Variants in VPS37A observed in about 807,000 individuals in gnomAD.
VPS37A encodes vacuolar protein sorting-associated protein 37A.
A neutral mutation model predicts 49.8 loss-of-function variants in VPS37A; 30 were observed. That is an observed-to-expected ratio of 0.60 (90% CI 0.45 to 0.82). The LOEUF (loss-of-function observed/expected upper bound fraction) is 0.82. Among genes scored for constraint, VPS37A ranks in the 40% least tolerant of loss-of-function variants. The pLI is 0.00. For synonymous variants in VPS37A, 195 were observed against 160.6 expected (o/e 1.21, Z -1.62); for missense variants, 593 against 464.4 (o/e 1.28, Z -2.55).
chr8:17,249,397 A>G (rs1307412618), intron 1 of VPS37A, among the ~76,000 whole-genome samples: 2 of 152,224 alleles, frequency 1.3e-5, no homozygotes, highest in Non-Finnish European at 2.9e-5. Context: ...GTATGATTGG[A>G]CATGATTACA....
chr8:17,247,359 T>G lies in VPS37A; in HGVS notation c.115T>G (p.Ser39Ala). Residue 39 changes from serine to alanine, a missense_variant, in exon 1 of 12, where the codon TCA becomes GCA. Physicochemically the swap from Ser to Ala is moderately conservative, Grantham distance 99. Coordinates refer to ENST00000324849, the MANE Select transcript of VPS37A (RefSeq NM_152415.3). The stretch of plus-strand genomic sequence containing the variant: ...GCGCCTGATCGAGTCCCTCCGGAAC[T>G]CACACTCCAGGTGACTGGTCGCTGC... The part of the protein sequence containing the change: ...KQRLIESLRN[S>A]HSSIAEIQKD... The G allele has an allele frequency of 7.7e-7, 1 of 1,295,316 alleles. No individual in the cohort carries two copies. The highest frequency in any genetic ancestry group is 1.2e-5 in the South Asian group (1 of 80,714). The allele number at this position is 1,295,316 out of a possible 1,614,324, so 80.2% of individuals were successfully genotyped here. A position where few individuals can be genotyped will look rare whatever the true frequency, so the allele number is the denominator to read the frequency against.
At chr8:17,261,636 G>A (rs1204819676) in intron 1 of VPS37A, among the ~76,000 whole-genome samples, 2 of 152,100 alleles carry the variant, frequency 1.3e-5, no homozygotes, top group African/African-American at 4.8e-5. Context: ...ACTCTTTACT[G>A]TAAGGTTTCT....
intron 4 of VPS37A, among the ~76,000 whole-genome samples, chr8:17,274,438 A>G (rs1468572147): frequency 1.3e-5 from 2 of 151,854 alleles, no homozygotes; most frequent in Admixed American, 6.6e-5. Context: ...AAACTCAAAA[A>G]TGGCCTGTCT....
At chr8:17,321,518 A>G in the VPS37A span, among the ~76,000 whole-genome samples, 11 of 152,236 alleles carry the variant, frequency 7.2e-5, no homozygotes, top group Admixed American at 7.2e-4. Context: ...GCAGTGTGAA[A>G]AGCAAAGAGG....
At chr8:17,275,051 G>C (rs1272417424) in intron 5 of VPS37A, 93 bp downstream of exon 5, 3 of 1,163,214 alleles carry the variant, frequency 2.6e-6, no homozygotes, top group Non-Finnish European at 1.2e-6. Context: ...CAGATAATAA[G>C]TTAGACACAA....
intron 10 of VPS37A, among the ~76,000 whole-genome samples, chr8:17,286,060 G>A (rs1427076537): frequency 6.6e-6 from 1 of 152,136 alleles, no homozygotes; most frequent in Non-Finnish European, 1.5e-5. Flanking sequence ...ATTATGAGAA[G>A]GGAGCATGAG....
intron 6 of VPS37A, among the ~76,000 whole-genome samples, chr8:17,278,133 G>A (rs73208572): frequency 0.079 from 12,009 of 152,024 alleles, 650 homozygotes; most frequent in South Asian, 0.2. Context: ...CTGGTGGCTA[G>A]AAGTAGACAA....
chr8:17,313,122 C>G, the VPS37A span, among the ~76,000 whole-genome samples: 2 of 152,214 alleles, frequency 1.3e-5, no homozygotes, highest in African/African-American at 2.4e-5. Context: ...GCATTGTATT[C>G]TTTCGCAAAA....
At chr8:17,265,774 C>A in intron 1 of VPS37A, 133 bp from the exon 2 acceptor site, 2 of 1,543,712 alleles carry the variant, frequency 1.3e-6, no homozygotes, top group South Asian at 1.2e-5. Context: ...CCTCAAGATA[C>A]AAGTTATGCT....
At chr8:17,299,094 G>T (rs117299491), downstream of VPS37A, 632 of 152,246 alleles carry the variant, frequency 4.2e-3, 7 homozygotes, top group African/African-American at 0.014. Flanking sequence ...GTAATAAAAG[G>T]TTATTACAAG....
At chr8:17,304,246 A>G (rs1586137089), downstream of VPS37A, 4 of 931,356 alleles carry the variant, frequency 4.3e-6, no homozygotes, top group East Asian at 5.3e-5. Context: ...ATATTCAAGC[A>G]TCTCCCTCTG....
chr8:17,323,864 A>G, the VPS37A span, among the ~76,000 whole-genome samples: 1 of 152,194 alleles, frequency 6.6e-6, no homozygotes, highest in South Asian at 2.1e-4. Flanking sequence ...ACTCATTTTG[A>G]AGCTCTCCTA....
chr8:17,257,182 C>G (rs954380229), intron 1 of VPS37A, among the ~76,000 whole-genome samples: 1 of 152,136 alleles, frequency 6.6e-6, no homozygotes, highest in African/African-American at 2.4e-5. Context: ...TTGAAAACAT[C>G]ATCCTTTCTC....
At chr8:17,332,011 C>T in the VPS37A span, among the ~76,000 whole-genome samples, 2 of 152,098 alleles carry the variant, frequency 1.3e-5, no homozygotes, top group African/African-American at 4.8e-5. Flanking sequence ...CAAACACTGT[C>T]CTAGCCTGCG....
rs1816619512 is a variant in VPS37A, at chr8:17,296,229, A to G, written c.*1243A>G. On this transcript the variant is annotated 3_prime_UTR_variant, in exon 12 of 12. Coordinates refer to ENST00000324849, the MANE Select transcript of VPS37A (RefSeq NM_152415.3). ...AAAATTATTTTGTTAGAATTAAAAC[A>G]TGCTTAATATTTAGTCTGTTTGTGG... 1 of 152,204 alleles carries G rather than the reference A, an allele frequency of 6.6e-6. No individual in the cohort carries two copies. Among genetic ancestry groups the G allele is most frequent in the South Asian group, 2.1e-4 (1 of 4,834 alleles). 9.4% of individuals were successfully genotyped at this position (152,204 alleles called of 1,614,324 possible). A position where few individuals can be genotyped will look rare whatever the true frequency, so the allele number is the denominator to read the frequency against.
chr8:17,260,268 A>G (rs1315647423), intron 1 of VPS37A, among the ~76,000 whole-genome samples: 1 of 152,146 alleles, frequency 6.6e-6, no homozygotes, highest in East Asian at 1.9e-4. Flanking sequence ...CAAAAAACAT[A>G]TATGTAATAA....
In VPS37A at chr8:17,247,153, C is replaced by T; in HGVS notation, c.-92C>T. The T allele has an allele frequency of 6.6e-7, 1 of 1,525,514 alleles. No homozygotes were observed. The highest frequency in any genetic ancestry group is 8.8e-7 in the Non-Finnish European group (1 of 1,131,068). The allele number at this position is 1,525,514 out of a possible 1,614,324, so 94.5% of individuals were successfully genotyped here. Reference sequence around the variant, plus strand: ...CGCTTGGGCCACGGACGTCCCACCCCGCTCCTCTGTCGCTGGAGAACCGCC... The same window carrying T: ...CGCTTGGGCCACGGACGTCCCACCCTGCTCCTCTGTCGCTGGAGAACCGCC... On this transcript the variant is annotated 5_prime_UTR_variant, in exon 1 of 12. Transcript: ENST00000324849.
At chr8:17,329,986 C>G in the VPS37A span, among the ~76,000 whole-genome samples, 1 of 152,186 alleles carries the variant, frequency 6.6e-6, no homozygotes. Context: ...CAAACTGTCA[C>G]AGCTGGAAGA....
the VPS37A span, among the ~76,000 whole-genome samples, chr8:17,308,365 G>A: frequency 1.3e-5 from 2 of 151,938 alleles, no homozygotes; most frequent in African/African-American, 4.8e-5. Flanking sequence ...TCTAATTGGG[G>A]GCTTTAATTT....
Sources: allele counts gnomAD v4.1 joint callset (sites outside exome capture counted in the v4.1 genomes callset), GRCh38; gene constraint gnomAD v4.1.1; transcripts MANE v1.5; gene names NCBI Gene and HGNC (gene_info 2026-07-23, HGNC 2026-07-21).